ADGRG7: variants seen among roughly 807,000 people sequenced by gnomAD.
The protein encoded by ADGRG7 is adhesion G protein-coupled receptor G7.
In ADGRG7, 82 loss-of-function variants were observed where a neutral mutation model predicts 88.6. The observed-to-expected ratio is 0.93, with a 90% confidence interval of 0.77 to 1.11. ADGRG7 has a LOEUF of 1.11. Among genes scored for constraint, ADGRG7 ranks in the 50% most tolerant of loss-of-function variants. ADGRG7 has a pLI of 0.00. For missense variants in ADGRG7, 945 were observed against 953.4 expected (o/e 0.99, Z 0.12); for synonymous variants, 381 against 345.2 (o/e 1.10, Z -1.15).
At chr3:100,667,188 T>A (rs1144111) in intron 14 of ADGRG7, among the ~76,000 whole-genome samples, 125,014 of 151,942 alleles carry the variant, frequency 0.82, 55,636 homozygotes, top group Non-Finnish European at 0.99. Flanking sequence ...AATTTTTTTT[T>A]TTATTATTAT....
intron 15 of ADGRG7, among the ~76,000 whole-genome samples, chr3:100,676,213 A>AT (rs1188281752): frequency 1.3e-4 from 19 of 150,728 alleles, no homozygotes; most frequent in Admixed American, 4.0e-4. Flanking sequence ...AAGCTTTTCT[A>AT]TTTTTTTTGA....
intron 8 of ADGRG7, among the ~76,000 whole-genome samples, chr3:100,645,062 T>G (rs967151115): frequency 6.6e-6 from 1 of 152,220 alleles, no homozygotes; most frequent in African/African-American, 2.4e-5. Context: ...GATGACTGAA[T>G]ACTCTGGTCT....
At chr3:100,678,455 A>G (rs2094968568) in intron 15 of ADGRG7, among the ~76,000 whole-genome samples, 1 of 151,368 alleles carries the variant, frequency 6.6e-6, no homozygotes, top group African/African-American at 2.4e-5. Flanking sequence ...TTATTTATTT[A>G]TTTTGGCGAG....
intron 15 of ADGRG7, among the ~76,000 whole-genome samples, chr3:100,692,160 G>A (rs942176507): frequency 6.6e-6 from 1 of 152,226 alleles, no homozygotes; most frequent in African/African-American, 2.4e-5. Context: ...AGTGTGGGGA[G>A]CTGCTTGGCT....
At chr3:100,635,435 C>G (rs1327254685) in intron 4 of ADGRG7, 1 of 668,106 alleles carries the variant, frequency 1.5e-6, no homozygotes, top group Non-Finnish European at 2.1e-6. Context: ...TAGCCCCAAT[C>G]TAGCTAAGGC....
At position 100,645,929 on chromosome 3, in the gene ADGRG7, C is replaced by G. The variant is rs759125763; in HGVS notation, c.947-16C>G. The G allele has an allele frequency of 6.2e-7, 1 of 1,604,888 alleles. No individual in the cohort carries two copies. Among genetic ancestry groups the G allele is most frequent in the Non-Finnish European group, 8.5e-7 (1 of 1,176,476 alleles). ...ACAGTGCACTTATTGATTTTAATGT[C>G]TTTTTCTCCCTATAGATTACACCAA... On this transcript the variant is annotated splice_polypyrimidine_tract_variant and intron_variant, in intron 8 of 15. Transcript: ENST00000273352.
intron 10 of ADGRG7, 101 bp downstream of exon 10, chr3:100,646,825 G>A (rs1486355010): frequency 7.1e-6 from 7 of 984,742 alleles, no homozygotes; most frequent in Non-Finnish European, 1.1e-5. Flanking sequence ...AATTTACATA[G>A]ATTCTCAACT....
At chr3:100,654,002 G>A (rs1031801262) in intron 11 of ADGRG7, among the ~76,000 whole-genome samples, 83 of 152,302 alleles carry the variant, frequency 5.4e-4, no homozygotes, top group Non-Finnish European at 4.7e-4. Flanking sequence ...GAAAAAAAAG[G>A]GAAACAGGGA....
chr3:100,677,396 T>A (rs1188820333), intron 15 of ADGRG7, among the ~76,000 whole-genome samples: 1 of 152,118 alleles, frequency 6.6e-6, no homozygotes, highest in Non-Finnish European at 1.5e-5. Context: ...TTATATCTTA[T>A]TATACTGTCT....
chr3:100,661,066 G>T (rs771659424), intron 14 of ADGRG7, among the ~76,000 whole-genome samples: 1 of 151,984 alleles, frequency 6.6e-6, no homozygotes, highest in Non-Finnish European at 1.5e-5. Context: ...GTTCCCATCC[G>T]TACTGCTTCT....
At position 100,672,122 on chromosome 3, in the gene ADGRG7, A is replaced by G. The variant is rs1204514984; in HGVS notation, c.2136+3017A>G. ...TCAATGGTAGTTTGGTGGGAATAGT[A>G]TTGAATCTATAAATTACTTTGGGCA... is the stretch of plus-strand genomic sequence containing the variant. On this transcript the variant is annotated intron_variant, in intron 15 of 15. Transcript: ENST00000273352. Among the ~76,000 whole-genome samples the G allele has an allele frequency of 3.3e-5, 5 of 152,326 alleles. No individual in the cohort carries two copies. In the East Asian group the frequency reaches 5.8e-4, roughly 18 times the overall value.
chr3:100,645,933 T>G lies in ADGRG7; in HGVS notation c.947-12T>G. ...TGCACTTATTGATTTTAATGTCTTT[T>G]TCTCCCTATAGATTACACCAAGACA... On this transcript the variant is annotated splice_polypyrimidine_tract_variant and intron_variant, in intron 8 of 15. Transcript: ENST00000273352. 1 of 1,606,534 alleles carries G rather than the reference T, an allele frequency of 6.2e-7. No individual in the cohort carries two copies. The highest frequency in any genetic ancestry group is 8.5e-7 in the Non-Finnish European group (1 of 1,177,408).
Position 100,646,053 on chromosome 3 carries a change from C to T in ADGRG7, c.1055C>T (p.Thr352Ile), listed in dbSNP as rs1051764184. The change falls in exon 9 of 16, where the codon ACT (threonine) becomes ATT (isoleucine). Residue 352 changes from threonine (T) to isoleucine (I), a missense_variant. Physicochemically the swap from Thr to Ile is moderately conservative, Grantham distance 89. Transcript: ENST00000273352. Reference sequence around the variant, plus strand: ...AGTCAAAAAATTATCTCAAGCAAAACTGATGAAAATGAGCAAGATCAGAGT... The same window carrying T: ...AGTCAAAAAATTATCTCAAGCAAAATTGATGAAAATGAGCAAGATCAGAGT... Reference protein sequence around the residue: ...DFSQKIISSKTDENEQDQSAS... With the variant: ...DFSQKIISSKIDENEQDQSAS... The T allele has an allele frequency of 8.1e-6, 13 of 1,613,968 alleles. No individual in the cohort carries two copies. Among genetic ancestry groups the T allele is most frequent in the Non-Finnish European group, 1.1e-5 (13 of 1,179,964 alleles).
chr3:100,646,508 T>G (rs1165950619), intron 9 of ADGRG7, 61 bp from the exon 10 acceptor site: 2 of 1,355,224 alleles, frequency 1.5e-6, no homozygotes, highest in African/African-American at 3.0e-5. Flanking sequence ...TACTACTTGA[T>G]TTTTTTTAAC....
rs2094960710 is a variant in ADGRG7, at chr3:100,673,084, T to C, written c.2136+3979T>C. Among the ~76,000 whole-genome samples the C allele has an allele frequency of 2.0e-5, 3 of 152,288 alleles. No individual in the cohort carries two copies. The South Asian group carries it at 6.2e-4, about 32-fold the overall frequency. ...ATGATGTTGGCCTCCTAAAATGAGT[T>C]ACGGAGAATTCTCTCTCTTTCAATT... On this transcript the variant is annotated intron_variant, in intron 15 of 15. Transcript: ENST00000273352.
Position 100,635,948 on chromosome 3 carries a change from G to A in ADGRG7, c.597+122G>A, listed in dbSNP as rs1707533468. ...ACAATATGGTTTGAGCATGGTTTAAGTTGCTTAAAGGCATTTTGCATAGCA... is the reference window on the plus strand; with the variant it reads ...ACAATATGGTTTGAGCATGGTTTAAATTGCTTAAAGGCATTTTGCATAGCA... On this transcript the variant is annotated intron_variant, in intron 5 of 15. Transcript: ENST00000273352. 3.6e-5 allele frequency: 26 copies of A among 725,470 alleles called. 1 individual carries two copies. The South Asian group carries it at 4.2e-4, about 12-fold the overall frequency. 44.9% of individuals were successfully genotyped at this position (725,470 alleles called of 1,614,324 possible).
At position 100,609,843 on chromosome 3, in the gene ADGRG7, G is replaced by A. The variant is rs1464087692; in HGVS notation, c.-14G>A. Reference sequence around the variant, plus strand: ...ATTTCTCACCCAGGAGTGGATTTGTGGTTTGGCTTCACCATGGCTTCCTGC... The same window carrying A: ...ATTTCTCACCCAGGAGTGGATTTGTAGTTTGGCTTCACCATGGCTTCCTGC... On this transcript the variant is annotated 5_prime_UTR_variant, in exon 1 of 16. Coordinates refer to ENST00000273352, the MANE Select transcript of ADGRG7 (RefSeq NM_032787.3). The A allele has an allele frequency of 1.2e-6, 2 of 1,602,140 alleles. No homozygotes were observed. Among genetic ancestry groups the A allele is most frequent in the Non-Finnish European group, 1.7e-6 (2 of 1,169,484 alleles).
intron 15 of ADGRG7, among the ~76,000 whole-genome samples, chr3:100,680,029 C>G (rs146442551): frequency 2.0e-5 from 3 of 152,274 alleles, no homozygotes; most frequent in African/African-American, 7.2e-5. Context: ...TACACCTATC[C>G]TTACCAATAT....
At chr3:100,694,547 A>T (rs777312526) in intron 15 of ADGRG7, among the ~76,000 whole-genome samples, 197 bp from the exon 16 acceptor site, 6 of 152,202 alleles carry the variant, frequency 3.9e-5, no homozygotes, top group Admixed American at 3.9e-4. Context: ...GTACTGTTAC[A>T]TGTAGGTCTT....
Sources: allele counts gnomAD v4.1 joint callset (sites outside exome capture counted in the v4.1 genomes callset), GRCh38; gene constraint gnomAD v4.1.1; transcripts MANE v1.5; gene names NCBI Gene and HGNC (gene_info 2026-07-23, HGNC 2026-07-21).